Variants in ITPR2 observed in about 807,000 individuals in gnomAD.
ITPR2 encodes inositol 1,4,5-trisphosphate receptor type 2, also known as inositol 1,4,5-trisphosphate-gated calcium channel ITPR2.
ITPR2 carries 207 observed loss-of-function variants against 317.1 expected under a neutral mutation model. That is an observed-to-expected ratio of 0.65 (90% CI 0.58 to 0.73). The LOEUF (loss-of-function observed/expected upper bound fraction) is 0.73. Ranked by LOEUF, ITPR2 falls within the 30% of genes least tolerant of loss-of-function variation. The pLI, the probability that ITPR2 is intolerant of heterozygous loss-of-function variation, is 0.00. For synonymous variants in ITPR2, 1,156 were observed against 1,149.1 expected (o/e 1.01, Z -0.12); for missense variants, 2,613 against 3,284.0 (o/e 0.80, Z 4.99).
At chr12:26,502,843 A>G (rs10842743) in intron 37 of ITPR2, among the ~76,000 whole-genome samples, 121,112 of 151,878 alleles carry the variant, frequency 0.8, 48,974 homozygotes, top group Non-Finnish European at 0.87. Context: ...GGGGAAAGTC[A>G]TAACTAGTTT....
intron 2 of ITPR2, among the ~76,000 whole-genome samples, chr12:26,777,899 G>C (rs1950004620): frequency 6.6e-6 from 1 of 152,190 alleles, no homozygotes; most frequent in Admixed American, 6.5e-5. Context: ...TGGAGAAAGG[G>C]AAATGATCAG....
At chr12:26,604,446 T>C (rs1946076802) in intron 26 of ITPR2, among the ~76,000 whole-genome samples, 1 of 152,218 alleles carries the variant, frequency 6.6e-6, no homozygotes, top group Admixed American at 6.5e-5. Context: ...AACAAAATTT[T>C]TGATGCATGA....
At chr12:26,828,156 C>T (rs1367172647) in intron 1 of ITPR2, among the ~76,000 whole-genome samples, 13 of 152,158 alleles carry the variant, frequency 8.5e-5, no homozygotes, top group Admixed American at 8.5e-4. Context: ...AGCAGCAGAC[C>T]TGGAGCAACA....
chr12:26,740,613 G>A (rs965340700), intron 2 of ITPR2, among the ~76,000 whole-genome samples: 1 of 152,120 alleles, frequency 6.6e-6, no homozygotes, highest in Non-Finnish European at 1.5e-5. Flanking sequence ...AAAACTCAAG[G>A]AAGATAAACT....
intron 51 of ITPR2, among the ~76,000 whole-genome samples, chr12:26,411,842 C>T (rs1356598647): frequency 6.6e-6 from 1 of 152,106 alleles, no homozygotes; most frequent in Admixed American, 6.5e-5. Flanking sequence ...GTGGTTCTAA[C>T]AGTCAGGTAC....
chr12:26,428,820 C>T (rs780040747), intron 48 of ITPR2, among the ~76,000 whole-genome samples: 1 of 152,158 alleles, frequency 6.6e-6, no homozygotes, highest in African/African-American at 2.4e-5. Flanking sequence ...CTGACATGTG[C>T]ATTCAAGGAA....
chr12:26,502,045 G>C (rs1348968774), intron 37 of ITPR2, among the ~76,000 whole-genome samples: 2 of 152,174 alleles, frequency 1.3e-5, no homozygotes, highest in African/African-American at 4.8e-5. Flanking sequence ...GACAAACAGG[G>C]TTGCTGAGAA....
At chr12:26,360,765 A>T (rs1156678127) in intron 55 of ITPR2, among the ~76,000 whole-genome samples, 1 of 152,148 alleles carries the variant, frequency 6.6e-6, no homozygotes, top group Admixed American at 6.5e-5. Context: ...TTTCACCAAA[A>T]AATTTCTTTT....
chr12:26,513,911 AT>A (rs1402588613), intron 37 of ITPR2, among the ~76,000 whole-genome samples: 1 of 151,482 alleles, frequency 6.6e-6, no homozygotes, highest in Non-Finnish European at 1.5e-5. Flanking sequence ...GATCTCTAAC[AT>A]CCACTTGTTG....
At chr12:26,414,613 GA>G (rs1044354524) in intron 51 of ITPR2, among the ~76,000 whole-genome samples, 1 of 152,022 alleles carries the variant, frequency 6.6e-6, no homozygotes, top group Admixed American at 6.6e-5. Flanking sequence ...AGGAAAGGGA[GA>G]AAAACACTTT....
At chr12:26,502,625 A>G (rs1943094939) in intron 37 of ITPR2, among the ~76,000 whole-genome samples, 2 of 152,184 alleles carry the variant, frequency 1.3e-5, no homozygotes, top group Non-Finnish European at 2.9e-5. Context: ...TCAAGAGGTA[A>G]TTTCAAAGCT....
chr12:26,351,045 A>G (rs767825534), intron 55 of ITPR2, among the ~76,000 whole-genome samples: 5 of 152,194 alleles, frequency 3.3e-5, no homozygotes, highest in African/African-American at 4.8e-5. Context: ...GGCAAGCTAC[A>G]AGGCCTCTTA....
chr12:26,456,423 A>G (rs1941886734), intron 45 of ITPR2, among the ~76,000 whole-genome samples: 2 of 152,214 alleles, frequency 1.3e-5, no homozygotes, highest in African/African-American at 4.8e-5. Flanking sequence ...CACTTCCAGG[A>G]ATTGCCCAGC....
intron 2 of ITPR2, among the ~76,000 whole-genome samples, chr12:26,754,700 T>C (rs1408392407): frequency 6.6e-6 from 1 of 152,216 alleles, no homozygotes; most frequent in African/African-American, 2.4e-5. Context: ...AAATTAATCT[T>C]GTAAAACAAA....
chr12:26,691,884 T>G (rs1036226991), intron 10 of ITPR2, among the ~76,000 whole-genome samples: 4 of 152,038 alleles, frequency 2.6e-5, no homozygotes, highest in Non-Finnish European at 4.4e-5. Flanking sequence ...TCCAGGGCTC[T>G]CACTACTGAC....
At chr12:26,760,738 G>A (rs1311036434) in intron 2 of ITPR2, among the ~76,000 whole-genome samples, 1 of 152,202 alleles carries the variant, frequency 6.6e-6, no homozygotes, top group Non-Finnish European at 1.5e-5. Flanking sequence ...AGAAAGACTA[G>A]AATGGAGAGT....
intron 43 of ITPR2, among the ~76,000 whole-genome samples, chr12:26,478,667 A>G (rs1942471225): frequency 6.6e-6 from 1 of 152,196 alleles, no homozygotes; most frequent in Non-Finnish European, 1.5e-5. Context: ...ATAGTATAAG[A>G]GTCTATATAT....
Position 26,495,263 on chromosome 12 carries a change from A to T in ITPR2, c.5074-3T>A. 6.9e-7 allele frequency: 1 copy of T among 1,447,072 alleles called. No homozygotes were observed. Among genetic ancestry groups the T allele is most frequent in the Non-Finnish European group, 9.7e-7 (1 of 1,033,740 alleles). The allele number at this position is 1,447,072 out of a possible 1,614,324, so 89.6% of individuals were successfully genotyped here. On this transcript the variant is annotated splice_polypyrimidine_tract_variant and splice_region_variant and intron_variant, in intron 37 of 56. Transcript: ENST00000381340. ...AGTATCTTTCTTAATGTGTTACCCTAATAAGAAGGATAACAAAGAGTTACT... is the reference window on the plus strand; with the variant it reads ...AGTATCTTTCTTAATGTGTTACCCTTATAAGAAGGATAACAAAGAGTTACT...
At chr12:26,491,349 G>C (rs1048790941) in intron 39 of ITPR2, among the ~76,000 whole-genome samples, 7 of 151,798 alleles carry the variant, frequency 4.6e-5, no homozygotes, top group South Asian at 2.1e-4. Context: ...CGGGCGTGGT[G>C]GTGGGCACCT....
Sources: allele counts gnomAD v4.1 joint callset (sites outside exome capture counted in the v4.1 genomes callset), GRCh38; gene constraint gnomAD v4.1.1; transcripts MANE v1.5; gene names NCBI Gene and HGNC (gene_info 2026-07-23, HGNC 2026-07-21).